The following KIAA1328 variants were observed in gnomAD, a reference collection of about 807,000 sequenced individuals.
The protein encoded by KIAA1328 is protein hinderin.
A neutral mutation model predicts 68.1 loss-of-function variants in KIAA1328; 52 were observed. That is an observed-to-expected ratio of 0.76 (90% confidence interval 0.61 to 0.96). The LOEUF (loss-of-function observed/expected upper bound fraction) is 0.96. Among genes scored for constraint, KIAA1328 ranks in the 40% least tolerant of loss-of-function variants. KIAA1328 has a pLI of 0.00. For missense variants in KIAA1328, 641 were observed against 677.6 expected, an observed-to-expected ratio of 0.95 and a Z score of 0.60; for synonymous variants, 232 against 239.4, an observed-to-expected ratio of 0.97 and a Z score of 0.28.
intron 7 of KIAA1328, among the ~76,000 whole-genome samples, chr18:37,121,432 A>G (rs544074400): frequency 6.6e-6 from 1 of 151,688 alleles, no homozygotes; most frequent in Non-Finnish European, 1.5e-5. Context: ...CTATCTATCT[A>G]TCTATCTATC....
intron 3 of KIAA1328, among the ~76,000 whole-genome samples, chr18:36,839,484 G>A (rs1701414064): frequency 6.6e-6 from 1 of 152,160 alleles, no homozygotes; most frequent in African/African-American, 2.4e-5. Flanking sequence ...ATGGAACATA[G>A]TTATAATAAC....
intron 9 of KIAA1328, among the ~76,000 whole-genome samples, chr18:37,185,153 G>A (rs1435936351): frequency 6.6e-6 from 1 of 150,654 alleles, no homozygotes; most frequent in Non-Finnish European, 1.5e-5. Context: ...GCGACAGAGT[G>A]AGACTCCATC....
At chr18:36,877,919 G>A (rs1353498786) in intron 4 of KIAA1328, among the ~76,000 whole-genome samples, 4 of 151,864 alleles carry the variant, frequency 2.6e-5, no homozygotes, top group South Asian at 4.2e-4. Flanking sequence ...CACCCACCTC[G>A]GCCTCCCAAA....
intron 5 of KIAA1328, among the ~76,000 whole-genome samples, chr18:36,939,717 G>T (rs978514967): frequency 6.6e-6 from 1 of 152,052 alleles, no homozygotes; most frequent in Non-Finnish European, 1.5e-5. Context: ...TATAATGTCA[G>T]CTGTGGGCTT....
intron 6 of KIAA1328, among the ~76,000 whole-genome samples, chr18:36,959,920 TTA>T (rs1259294619): frequency 6.6e-6 from 1 of 152,222 alleles, no homozygotes; most frequent in Non-Finnish European, 1.5e-5. Flanking sequence ...AGGAGAGTAT[TTA>T]TATAAGCGTT....
At position 37,067,010 on chromosome 18, in the gene KIAA1328, G is replaced by C; in HGVS notation, c.697G>C (p.Asp233His). 1 of 1,613,836 alleles carries C rather than the reference G, an allele frequency of 6.2e-7. No homozygotes were observed. Among genetic ancestry groups the C allele is most frequent in the Non-Finnish European group, 8.5e-7 (1 of 1,179,830 alleles). ...GCAAAGACCTAAGTCTGCAGTCCAG[G>C]ATTCAGCTTCAGAATCCCTTATAGC... is the stretch of plus-strand genomic sequence containing the variant. ...TKQRPKSAVQ[D>H]SASESLIAFR... Residue 233 changes from aspartate (D) to histidine (H), a missense_variant, in exon 7 of 10, where the codon GAT becomes CAT. Coordinates refer to ENST00000280020, the MANE Select transcript of KIAA1328 (RefSeq NM_020776.3).
intron 9 of KIAA1328, among the ~76,000 whole-genome samples, chr18:37,180,044 A>G (rs2059668489): frequency 7.0e-6 from 1 of 142,806 alleles, no homozygotes; most frequent in Non-Finnish European, 1.5e-5. Context: ...GACAGCTGCC[A>G]TGGGATTCAA....
Position 37,130,385 on chromosome 18 carries a change from C to T in KIAA1328, c.1233-29815C>T, listed in dbSNP as rs893149208. Among the ~76,000 whole-genome samples the T allele has an allele frequency of 4.6e-5, 7 of 152,056 alleles. 1 individual carries two copies. In the South Asian group the frequency reaches 6.2e-4, roughly 14 times the overall value. On this transcript the variant is annotated intron_variant, in intron 7 of 9. Transcript: ENST00000280020. ...CTGTAATCCCAGCACTTTGGGAGGCCGAGGCAGGCAGATCACGCGATCAAG... is the reference window on the plus strand; with the variant it reads ...CTGTAATCCCAGCACTTTGGGAGGCTGAGGCAGGCAGATCACGCGATCAAG...
intron 9 of KIAA1328, among the ~76,000 whole-genome samples, chr18:37,192,557 T>C (rs548053037): frequency 2.0e-5 from 3 of 152,330 alleles, no homozygotes; most frequent in Non-Finnish European, 2.9e-5. Context: ...TACACTATAT[T>C]CTCCAGCAGT....
chr18:37,041,495 T>C (rs968912900), intron 6 of KIAA1328, among the ~76,000 whole-genome samples: 4 of 152,144 alleles, frequency 2.6e-5, no homozygotes, highest in African/African-American at 4.8e-5. Context: ...TGACAATCTT[T>C]GTCTTGTGGT....
intron 6 of KIAA1328, among the ~76,000 whole-genome samples, chr18:37,025,287 C>T (rs1051584236): frequency 6.6e-6 from 1 of 152,042 alleles, no homozygotes; most frequent in African/African-American, 2.4e-5. Flanking sequence ...GACTTTAACC[C>T]CCCACTGTCA....
chr18:37,053,622 A>G (rs2055790299), intron 6 of KIAA1328, among the ~76,000 whole-genome samples: 2 of 152,194 alleles, frequency 1.3e-5, no homozygotes, highest in Non-Finnish European at 2.9e-5. Context: ...TTTATAAAGG[A>G]AAGAGGTTTA....
intron 6 of KIAA1328, among the ~76,000 whole-genome samples, chr18:36,980,722 AC>A (rs899625978): frequency 6.6e-6 from 1 of 152,064 alleles, no homozygotes; most frequent in Non-Finnish European, 1.5e-5. Flanking sequence ...TATGGGAGGT[AC>A]CCGGTGGGAG....
intron 7 of KIAA1328, among the ~76,000 whole-genome samples, chr18:37,071,678 G>A (rs567892088): frequency 6.4e-4 from 97 of 152,232 alleles, no homozygotes; most frequent in African/African-American, 2.3e-3. Flanking sequence ...GAAGGTCTGG[G>A]ACTAATACCC....
intron 5 of KIAA1328, among the ~76,000 whole-genome samples, chr18:36,952,354 G>C (rs2051193796): frequency 6.6e-6 from 1 of 151,792 alleles, no homozygotes; most frequent in South Asian, 2.1e-4. Context: ...GTTTCTCCTG[G>C]AACATGTTAT....
chr18:36,995,714 G>A (rs16968475), intron 6 of KIAA1328, among the ~76,000 whole-genome samples: 10 of 151,986 alleles, frequency 6.6e-5, no homozygotes, highest in African/African-American at 1.7e-4. Context: ...AACCTCTAGC[G>A]GGGCAACTAT....
chr18:36,966,847 T>C (rs1171333164), intron 6 of KIAA1328, among the ~76,000 whole-genome samples: 1 of 152,202 alleles, frequency 6.6e-6, no homozygotes, highest in Admixed American at 6.5e-5. Flanking sequence ...GATCTGTAGA[T>C]TTGTTGCAAT....
At chr18:36,847,651 T>C (rs550096134) in intron 4 of KIAA1328, among the ~76,000 whole-genome samples, 73 of 151,756 alleles carry the variant, frequency 4.8e-4, no homozygotes, top group Non-Finnish European at 8.3e-4. Context: ...ATTCTGTATA[T>C]GAGTTGTCAA....
chr18:37,159,471 A>G (rs1372061640), intron 7 of KIAA1328, among the ~76,000 whole-genome samples: 1 of 152,220 alleles, frequency 6.6e-6, no homozygotes, highest in Non-Finnish European at 1.5e-5. Context: ...CCAAAGTGTC[A>G]TGAGTTTGTT....
Sources: gnomAD v4.1 joint callset for allele counts (sites outside exome capture counted in the v4.1 genomes callset) on GRCh38, gnomAD v4.1.1 for gene constraint, MANE v1.5 for transcripts, NCBI Gene and HGNC (gene_info 2026-07-23, HGNC 2026-07-21) for gene names.